Variants in ABCA3 observed in about 807,000 individuals in gnomAD.
ABCA3 encodes phospholipid-transporting ATPase ABCA3.
A neutral mutation model predicts 172.8 loss-of-function variants in ABCA3; 88 were observed. The observed-to-expected ratio is 0.51, with a 90% CI of 0.43 to 0.61. The LOEUF (loss-of-function observed/expected upper bound fraction) is 0.61, where lower values mean the gene tolerates loss of function less well. Ranked by LOEUF, ABCA3 falls within the 20% of genes least tolerant of loss-of-function variation. ABCA3 has a pLI of 0.00. For missense variants in ABCA3, 2,164 were observed against 2,301.0 expected (o/e 0.94, Z 1.22); for synonymous variants, 1,066 against 983.8 (o/e 1.08, Z -1.56).
Position 2,284,358 on chromosome 16 carries a change from G to C in ABCA3, c.3783C>G (p.Val1261=). ...VLPNHCLGMA[V]SSFYENYETR... Reference sequence around the variant, plus strand: ...TCTCGTAGTTCTCGTAGAAACTGCTGACTGCCATCCCCAGACAGTGGTTGG... The same window carrying C: ...TCTCGTAGTTCTCGTAGAAACTGCTCACTGCCATCCCCAGACAGTGGTTGG... The change falls in exon 25 of 33, where the codon GTC becomes GTG. Residue 1261 remains valine, a synonymous_variant. Coordinates refer to ENST00000301732, the MANE Select transcript of ABCA3 (RefSeq NM_001089.3). This position sits in a 1 kb window ranked among gnomAD's most constrained non-coding sequence, Gnocchi z 5.9. The C allele has an allele frequency of 2.5e-6, 4 of 1,614,026 alleles. No individual in the cohort carries two copies. The highest frequency in any genetic ancestry group is 3.4e-6 in the Non-Finnish European group (4 of 1,180,008).
chr16:2,277,825 C>G lies in ABCA3; in HGVS notation c.4909+54G>C. 1 of 1,603,880 alleles carries G rather than the reference C, an allele frequency of 6.2e-7. No homozygotes were observed. On this transcript the variant is annotated intron_variant, in intron 31 of 32. Transcript: ENST00000301732. The surrounding 1 kb of genome is among the most constrained non-coding windows in gnomAD (Gnocchi z 5.3). ...CGCTCCGCACAGCAGATGGGAGAGG[C>G]CTAGGTAGGGGCCCAGGGCCCACCC...
chr16:2,277,801 G>A lies in ABCA3; in HGVS notation c.4909+78C>T, dbSNP rs1027390540. ...GGACTTGGCGGGGCGAGGCACAGAC[G>A]CTCCGCACAGCAGATGGGAGAGGCC... On this transcript the variant is annotated intron_variant, in intron 31 of 32. Transcript: ENST00000301732. This position sits in a 1 kb window ranked among gnomAD's most constrained non-coding sequence, Gnocchi z 5.3. The A allele has an allele frequency of 9.4e-6, 15 of 1,594,646 alleles. No homozygotes were observed. The highest frequency in any genetic ancestry group is 5.2e-5 in the Admixed American group (3 of 57,724).
Position 2,319,453 on chromosome 16 carries a change from C to G in ABCA3, c.873+128G>C, listed in dbSNP as rs989482777. 7 of 1,331,114 alleles carry G rather than the reference C, an allele frequency of 5.3e-6. No homozygotes were observed. The African/African-American group carries it at 1.0e-4, about 20-fold the overall frequency. The allele number at this position is 1,331,114 out of a possible 1,614,324, so 82.5% of individuals were successfully genotyped here. ...TGAGCCGAGATCGCACCACTGCACT[C>G]CAGCCTGGGCGACAGAGCGAGACTC... On this transcript the variant is annotated intron_variant, in intron 8 of 32. Transcript: ENST00000301732.
chr16:2,287,098 C>G lies in ABCA3; in HGVS notation c.3005-131G>C. The G allele has an allele frequency of 9.7e-7, 1 of 1,029,120 alleles. No homozygotes were observed. Among genetic ancestry groups the G allele is most frequent in the Non-Finnish European group, 1.4e-6 (1 of 700,722 alleles). The allele number at this position is 1,029,120 out of a possible 1,614,324, so 63.7% of individuals were successfully genotyped here. A position where few individuals can be genotyped will look rare whatever the true frequency, so the allele number is the denominator to read the frequency against. ...TCCTCTGAGCTGCCCGCCCCATCAC[C>G]CTTCTCCTAAGGAGAGTATAATTTC... On this transcript the variant is annotated intron_variant, in intron 21 of 32. Transcript: ENST00000301732. The surrounding 1 kb of genome is among the most constrained non-coding windows in gnomAD (Gnocchi z 4.1).
chr16:2,315,069 GA>G (rs1361495272), intron 10 of ABCA3, among the ~76,000 whole-genome samples: 2 of 150,476 alleles, frequency 1.3e-5, no homozygotes, highest in Non-Finnish European at 3.0e-5. Context: ...TTTTTTAGTA[GA>G]GACGAGGTTT....
In ABCA3 at chr16:2,326,419, G is replaced by A. The variant is rs767975613; in HGVS notation, c.48C>T (p.Thr16=). ...QLALLLWKNY[T]LQKRKVLVTV... ...CTCCAGAGTCTGGACGCACCTGCAG[G>A]GTGTAGTTCTTCCAGAGGAGGAGCG... Residue 16 remains threonine, a synonymous_variant, in exon 4 of 33, where the codon ACC becomes ACT. Coordinates refer to ENST00000301732, the MANE Select transcript of ABCA3 (RefSeq NM_001089.3). 1.3e-5 allele frequency: 21 copies of A among 1,612,994 alleles called. No homozygotes were observed. The highest frequency in any genetic ancestry group is 1.8e-5 in the Non-Finnish European group (21 of 1,179,638).
At chr16:2,328,324 G>A (rs1214635868) in intron 3 of ABCA3, 129 bp downstream of exon 3, 2 of 322,320 alleles carry the variant, frequency 6.2e-6, no homozygotes, top group African/African-American at 4.3e-5. Flanking sequence ...AAGCCCAGGA[G>A]TTCGAGACCA....
intron 3 of ABCA3, among the ~76,000 whole-genome samples, chr16:2,328,051 A>C (rs17793970): frequency 0.049 from 7,458 of 152,264 alleles, 263 homozygotes; most frequent in Non-Finnish European, 0.07. Flanking sequence ...CTGTCCAACG[A>C]AAATTCATCC....
At position 2,283,212 on chromosome 16, in the gene ABCA3, A is replaced by G; in HGVS notation, c.4009T>C (p.Cys1337Arg). The G allele has an allele frequency of 6.2e-7, 1 of 1,613,296 alleles. No individual in the cohort carries two copies. The highest frequency in any genetic ancestry group is 8.5e-7 in the Non-Finnish European group (1 of 1,179,964). ...NLLQRLRGIL[C>R]ALRRRRTLTE... ...AGTGTCCGCCTCCTCCGGAGGGCGC[A>G]GAGGATGCCCCTGAGTCTCTGAAGC... Residue 1337 changes from cysteine to arginine, a missense_variant, in exon 26 of 33, where the codon TGC (cysteine) becomes CGC (arginine). Coordinates refer to ENST00000301732, the MANE Select transcript of ABCA3 (RefSeq NM_001089.3). The surrounding 1 kb of genome is among the most constrained non-coding windows in gnomAD (Gnocchi z 5.4).
intron 11 of ABCA3, 45 bp from the exon 12 acceptor site, chr16:2,304,195 G>T (rs772583880): frequency 1.9e-6 from 3 of 1,611,484 alleles, no homozygotes; most frequent in African/African-American, 2.7e-5. Flanking sequence ...AGCAGGCTGG[G>T]GGGCCCAGGG....
intron 8 of ABCA3, among the ~76,000 whole-genome samples, chr16:2,319,212 A>G (rs1033198863): frequency 1.1e-4 from 16 of 152,056 alleles, no homozygotes; most frequent in Admixed American, 2.6e-4. Flanking sequence ...CCGGCCGGGC[A>G]CGGTGGCTCA....
intron 5 of ABCA3, 57 bp from the exon 6 acceptor site, chr16:2,324,588 A>C: frequency 6.2e-7 from 1 of 1,600,874 alleles, no homozygotes; most frequent in Non-Finnish European, 8.5e-7. Flanking sequence ...TGCTTGAAAA[A>C]TCTGCGTGGT....
At chr16:2,301,056 C>A (rs1032948244) in intron 12 of ABCA3, among the ~76,000 whole-genome samples, 6 of 150,734 alleles carry the variant, frequency 4.0e-5, no homozygotes, top group Non-Finnish European at 8.8e-5. Flanking sequence ...CGGTGAAACC[C>A]CGTCTCTACT....
At position 2,286,804 on chromosome 16, in the gene ABCA3, G is replaced by A. The variant is rs763185635; in HGVS notation, c.3168C>T (p.Val1056=). ...GCAGCTTGAACAGAAGGTTGTCCAC[G>A]ACGGCCAGGGCAGTGGCTGGAGAGT... ...AYHSPATALA[V]VDNLLFKLLC... Residue 1056 remains valine, a synonymous_variant, in exon 22 of 33, where the codon GTC becomes GTT. Transcript: ENST00000301732. The surrounding 1 kb of genome is among the most constrained non-coding windows in gnomAD (Gnocchi z 5.2). The A allele has an allele frequency of 5.0e-6, 8 of 1,614,180 alleles. No homozygotes were observed. The highest frequency in any genetic ancestry group is 3.3e-5 in the South Asian group (3 of 91,088).
Position 2,286,908 on chromosome 16 carries a change from G to A in ABCA3, c.3064C>T (p.Arg1022Trp), listed in dbSNP as rs1426692127. ...ASVEGGGFNERCLVAASFRDV... is the reference protein window; with the variant it reads ...ASVEGGGFNEWCLVAASFRDV... ...CTGAAGGACGCTGCCACAAGGCACC[G>A]CTCATTAAAGCCGCCCCCCTCCACA... The change falls in exon 22 of 33, where the codon CGG becomes TGG. Residue 1022 changes from arginine (R) to tryptophan (W), a missense_variant. Physicochemically the swap from Arg to Trp is moderately radical, Grantham distance 101. Transcript: ENST00000301732. This position sits in a 1 kb window ranked among gnomAD's most constrained non-coding sequence, Gnocchi z 5.2. 10 of 1,613,906 alleles carry A rather than the reference G, an allele frequency of 6.2e-6. No individual in the cohort carries two copies. Among genetic ancestry groups the A allele is most frequent in the South Asian group, 2.2e-5 (2 of 91,088 alleles).
At chr16:2,306,723 T>C (rs1426696138) in intron 11 of ABCA3, among the ~76,000 whole-genome samples, 2 of 151,960 alleles carry the variant, frequency 1.3e-5, no homozygotes, top group Non-Finnish European at 2.9e-5. Context: ...TTTAATTTCA[T>C]AAAAATTAAG....
In ABCA3 at chr16:2,276,796, T is replaced by C. The variant is rs781259566; in HGVS notation, c.4993A>G (p.Ile1665Val). ...TACTTTTCCTTGGCTTTCTCCAGAATACCGAAAACCTTTGGGGAGCAGAAA... is the reference window on the plus strand; with the variant it reads ...TACTTTTCCTTGGCTTTCTCCAGAACACCGAAAACCTTTGGGGAGCAGAAA... ...RDLSWAKVFG[I>V]LEKAKEKYGV... Residue 1665 changes from isoleucine (I) to valine (V), a missense_variant, in exon 33 of 33, where the codon ATT becomes GTT. Coordinates refer to ENST00000301732, the MANE Select transcript of ABCA3 (RefSeq NM_001089.3). The C allele has an allele frequency of 8.1e-6, 13 of 1,613,740 alleles. No homozygotes were observed. The East Asian group carries it at 2.9e-4, about 36-fold the overall frequency.
rs1269536944 is a variant in ABCA3 at position 2,285,996 on chromosome 16, C to G, written c.3279-350G>C. The stretch of plus-strand genomic sequence containing the variant: ...GCAAAGGGAAAGCCTCTCCTGGCCT[C>G]TGTGTGTCATTCTAGGATCCTGAGT... On this transcript the variant is annotated intron_variant, in intron 22 of 32. Coordinates refer to ENST00000301732, the MANE Select transcript of ABCA3 (RefSeq NM_001089.3). The surrounding 1 kb of genome is among the most constrained non-coding windows in gnomAD (Gnocchi z 4.7). 6.6e-6 allele frequency among the ~76,000 whole-genome samples: 1 copy of G among 152,220 alleles called. No individual in the cohort carries two copies.
At chr16:2,319,213 C>A (rs373908244) in intron 8 of ABCA3, among the ~76,000 whole-genome samples, 1 of 151,976 alleles carries the variant, frequency 6.6e-6, no homozygotes, top group Non-Finnish European at 1.5e-5. Context: ...CGGCCGGGCA[C>A]GGTGGCTCAC....
Sources: allele counts gnomAD v4.1 joint callset (sites outside exome capture counted in the v4.1 genomes callset), GRCh38; gene constraint gnomAD v4.1.1; non-coding constraint Gnocchi (gnomAD v3.1); transcripts MANE v1.5; gene names NCBI Gene and HGNC (gene_info 2026-07-23, HGNC 2026-07-21).